CHD2: variants seen among roughly 807,000 people sequenced by gnomAD.
CHD2 encodes chromodomain helicase DNA binding protein 2.
In CHD2, 28 loss-of-function variants were observed where a neutral mutation model predicts 243.9. That is an observed-to-expected ratio of 0.11 (90% CI 0.09 to 0.16). The LOEUF is 0.16. Among genes scored for constraint, CHD2 ranks in the 10% least tolerant of loss-of-function variants. The pLI, the probability that CHD2 is intolerant of heterozygous loss-of-function variation, is 1.00. For synonymous variants in CHD2, 775 were observed against 779.0 expected (o/e 0.99, Z 0.09); for missense variants, 1,386 against 2,209.8 (o/e 0.63, Z 7.47).
At chr15:93,022,459 A>T (rs1488687642) in intron 38 of CHD2, among the ~76,000 whole-genome samples, 5 of 152,176 alleles carry the variant, frequency 3.3e-5, no homozygotes, top group Admixed American at 3.3e-4. Context: ...TTTGGAGGGG[A>T]CACATACCCA....
At position 92,972,333 on chromosome 15, in the gene CHD2, G is replaced by C. The variant is rs1438053882; in HGVS notation, c.2421G>C (p.Gly807=). The C allele has an allele frequency of 6.2e-7, 1 of 1,612,904 alleles. No homozygotes were observed. Among genetic ancestry groups the C allele is most frequent in the East Asian group, 2.2e-5 (1 of 44,848 alleles). The change falls in exon 19 of 39, where the codon GGG becomes GGC. Residue 807 remains glycine, a synonymous_variant. Transcript: ENST00000394196. ...TGTTGACAAGACTTCGAGAAAGGGGGAATCGAGTGCTTATCTTCTCTCAGA... is the reference window on the plus strand; with the variant it reads ...TGTTGACAAGACTTCGAGAAAGGGGCAATCGAGTGCTTATCTTCTCTCAGA... ...DKLLTRLRER[G]NRVLIFSQMV...
intron 2 of CHD2, chr15:92,902,715 G>T (rs2052547074): frequency 6.6e-6 from 1 of 152,056 alleles, no homozygotes; most frequent in African/African-American, 2.4e-5. Context: ...TTTTTTTCTG[G>T]AAAGTAATGA....
intron 2 of CHD2, among the ~76,000 whole-genome samples, chr15:92,923,028 T>G (rs2141742738): frequency 6.6e-6 from 1 of 152,320 alleles, no homozygotes; most frequent in Admixed American, 6.5e-5. Flanking sequence ...CTTTATTGGG[T>G]TGGGTGTTCT....
At chr15:92,991,791 T>G (rs1390526081) in intron 27 of CHD2, 1 of 291,778 alleles carries the variant, frequency 3.4e-6, no homozygotes, top group Non-Finnish European at 6.3e-6. Context: ...GTGCGTGAAA[T>G]AATTTCCAGA....
rs550336763 is a variant in CHD2, at chr15:92,979,963, AAAT to A, written c.2876+689_2876+691del. ...TATTATCAAGATAATAATGATATCA[AAAT>A]AATAATAAAAATAAGTTTACATTTT... On this transcript the variant is annotated intron_variant, in intron 22 of 38. Transcript: ENST00000394196. 4.1e-3 allele frequency among the ~76,000 whole-genome samples: 619 copies of A among 151,954 alleles called. 3 individuals carry two copies. The highest frequency in any genetic ancestry group is 7.4e-3 in the Non-Finnish European group (502 of 67,970).
intron 13 of CHD2, 163 bp downstream of exon 13, chr15:92,949,239 T>C (rs2053519075): frequency 6.9e-7 from 1 of 1,441,590 alleles, no homozygotes; most frequent in African/African-American, 1.4e-5. Context: ...GAGAAATGCT[T>C]CCTGGGAGTT....
At chr15:93,017,369 C>T (rs1463596433) in intron 37 of CHD2, among the ~76,000 whole-genome samples, 1 of 151,596 alleles carries the variant, frequency 6.6e-6, no homozygotes, top group East Asian at 1.9e-4. Context: ...GTCACCCAGG[C>T]TGGAGTGTAG....
At chr15:92,977,658 C>G (rs1281374648) in intron 20 of CHD2, among the ~76,000 whole-genome samples, 1 of 152,166 alleles carries the variant, frequency 6.6e-6, no homozygotes, top group Non-Finnish European at 1.5e-5. Flanking sequence ...ACACATCGCT[C>G]TCCAGCCAAA....
intron 2 of CHD2, among the ~76,000 whole-genome samples, chr15:92,917,510 G>A (rs574768597): frequency 1.3e-5 from 2 of 152,290 alleles, no homozygotes; most frequent in East Asian, 3.9e-4. Context: ...ACGGTGAGCC[G>A]AGATCACGCC....
chr15:92,920,825 A>G lies in CHD2; in HGVS notation c.63-3496A>G, dbSNP rs143232803. ...GCACATTCTAGCAAATGAATGTGCA[A>G]TTGAATCCTTCTCTAATATACCAGG... is the stretch of plus-strand genomic sequence containing the variant. On this transcript the variant is annotated intron_variant, in intron 2 of 38. Coordinates refer to ENST00000394196, the MANE Select transcript of CHD2 (RefSeq NM_001271.4). Among the ~76,000 whole-genome samples the G allele has an allele frequency of 9.0e-3, 1,373 of 152,354 alleles. 5 individuals carry two copies. Among genetic ancestry groups the G allele is most frequent in the Middle Eastern group, 0.034 (10 of 294 alleles).
chr15:92,918,818 CAT>C (rs968649803), intron 2 of CHD2, among the ~76,000 whole-genome samples: 6 of 151,322 alleles, frequency 4.0e-5, no homozygotes, highest in Admixed American at 1.3e-4. Context: ...CATATATACA[CAT>C]ATACATATAT....
intron 20 of CHD2, among the ~76,000 whole-genome samples, chr15:92,977,374 A>G (rs1452109717): frequency 6.6e-6 from 1 of 152,208 alleles, no homozygotes; most frequent in East Asian, 1.9e-4. Context: ...CTCTATGTGT[A>G]TGCTAAATAT....
At chr15:92,912,771 T>A (rs1281906178) in intron 2 of CHD2, among the ~76,000 whole-genome samples, 1 of 147,230 alleles carries the variant, frequency 6.8e-6, no homozygotes, top group Non-Finnish European at 1.5e-5. Context: ...CCTGACCTCG[T>A]GATCCGCCAA....
chr15:92,978,991 A>T, intron 21 of CHD2, 144 bp from the exon 22 acceptor site: 3 of 999,502 alleles, frequency 3.0e-6, no homozygotes, highest in Non-Finnish European at 4.3e-6. Flanking sequence ...GCCTGCTTGG[A>T]TGGCTTACAG....
intron 5 of CHD2, among the ~76,000 whole-genome samples, chr15:92,933,095 A>C: frequency 6.8e-6 from 1 of 146,400 alleles, no homozygotes. Context: ...CTATTGGTGC[A>C]CATGTGTGGC....
intron 2 of CHD2, among the ~76,000 whole-genome samples, chr15:92,920,262 T>TTA (rs1305211993): frequency 6.6e-6 from 1 of 152,180 alleles, no homozygotes; most frequent in Non-Finnish European, 1.5e-5. Flanking sequence ...AAGAAAGATA[T>TTA]TTATGGTTAC....
intron 2 of CHD2, chr15:92,901,683 T>C: frequency 2.8e-6 from 1 of 354,990 alleles, no homozygotes; most frequent in Non-Finnish European, 5.0e-6. Flanking sequence ...GCAAATTTTT[T>C]CTTTGAAGAA....
At chr15:93,018,192 C>T (rs907639262) in intron 37 of CHD2, among the ~76,000 whole-genome samples, 2 of 152,196 alleles carry the variant, frequency 1.3e-5, no homozygotes, top group African/African-American at 4.8e-5. Flanking sequence ...TCAAGTGATC[C>T]TTCGCATATT....
intron 12 of CHD2, among the ~76,000 whole-genome samples, chr15:92,947,956 C>A (rs1462311289): frequency 6.6e-6 from 1 of 152,228 alleles, no homozygotes; most frequent in Non-Finnish European, 1.5e-5. Flanking sequence ...CTTTGAGATA[C>A]ATCCCTGAAT....
Sources: allele counts gnomAD v4.1 joint callset (sites outside exome capture counted in the v4.1 genomes callset), GRCh38; gene constraint gnomAD v4.1.1; transcripts MANE v1.5; gene names NCBI Gene and HGNC (gene_info 2026-07-23, HGNC 2026-07-21).